PIK3C2G: variants seen among roughly 807,000 people sequenced by gnomAD.
PIK3C2G encodes the protein phosphatidylinositol-4-phosphate 3-kinase catalytic subunit type 2 gamma, also known as phosphatidylinositol 3-kinase C2 domain-containing subunit gamma.
In PIK3C2G, 168 loss-of-function variants were observed where a neutral mutation model predicts 181.1. That is an observed-to-expected ratio of 0.93 (90% CI 0.82 to 1.05). The LOEUF is 1.05. Ranked by LOEUF, PIK3C2G falls within the 50% of genes least tolerant of loss-of-function variation. The pLI is 0.00. For missense variants in PIK3C2G, 1,869 were observed against 1,732.8 expected (o/e 1.08, Z -1.40); for synonymous variants, 573 against 592.2 (o/e 0.97, Z 0.47).
intron 16 of PIK3C2G, among the ~76,000 whole-genome samples, chr12:18,404,704 A>G (rs1944424682): frequency 2.6e-5 from 4 of 152,134 alleles, no homozygotes; most frequent in Non-Finnish European, 4.4e-5. Flanking sequence ...TGTATCAGGA[A>G]ACAAAGTTGA....
Position 18,286,808 on chromosome 12 carries a change from T to A in PIK3C2G, c.679-39T>A, listed in dbSNP as rs369395694. ...TTGTAGAATTATTTAATAGTTTCTC[T>A]TCTCCAAATTATATTAATTTAGTAG... On this transcript the variant is annotated intron_variant, in intron 2 of 32. Coordinates refer to ENST00000538779, the MANE Select transcript of PIK3C2G (RefSeq NM_001288772.2). 2.0e-4 allele frequency: 205 copies of A among 1,050,868 alleles called. No homozygotes were observed. The African/African-American group carries it at 3.2e-3, about 16-fold the overall frequency. 65.1% of individuals were successfully genotyped at this position (1,050,868 alleles called of 1,614,324 possible). A position where few individuals can be genotyped will look rare whatever the true frequency, so the allele number is the denominator to read the frequency against.
At chr12:18,630,382 A>AT (rs1427471186) in intron 31 of PIK3C2G, among the ~76,000 whole-genome samples, 3 of 152,126 alleles carry the variant, frequency 2.0e-5, no homozygotes, top group Non-Finnish European at 4.4e-5. Flanking sequence ...ACAGAGCGGG[A>AT]TTTTTTCTCA....
the PIK3C2G span, chr12:18,723,582 A>G: frequency 2.1e-6 from 3 of 1,428,230 alleles, no homozygotes; most frequent in Admixed American, 1.7e-5. Context: ...TTGTGAGTAT[A>G]AAAAATACAT....
chr12:18,594,677 A>G, intron 30 of PIK3C2G, 108 bp downstream of exon 30: 1 of 552,762 alleles, frequency 1.8e-6, no homozygotes, highest in Non-Finnish European at 3.1e-6. Context: ...TCTTTTTAAG[A>G]GTAAGACTTT....
chr12:18,612,087 A>G (rs958291058), intron 31 of PIK3C2G, among the ~76,000 whole-genome samples: 6 of 151,844 alleles, frequency 4.0e-5, no homozygotes, highest in African/African-American at 1.5e-4. Flanking sequence ...TGGCCTCTTA[A>G]CCTCATCTCC....
At chr12:18,643,951 A>G (rs905321974) in intron 32 of PIK3C2G, among the ~76,000 whole-genome samples, 2 of 152,136 alleles carry the variant, frequency 1.3e-5, no homozygotes, top group Non-Finnish European at 2.9e-5. Flanking sequence ...GAGGAGTACA[A>G]AGAAGATATT....
intron 16 of PIK3C2G, among the ~76,000 whole-genome samples, chr12:18,418,483 G>A (rs1945300628): frequency 6.6e-6 from 1 of 152,116 alleles, no homozygotes; most frequent in African/African-American, 2.4e-5. Flanking sequence ...TTAGATTGCA[G>A]TGTGTACTAA....
the PIK3C2G span, among the ~76,000 whole-genome samples, chr12:18,655,519 A>G: frequency 2.0e-5 from 3 of 152,190 alleles, no homozygotes; most frequent in Non-Finnish European, 4.4e-5. Flanking sequence ...TTCCTTACAT[A>G]TGAGCTATGC....
chr12:18,301,500 C>G (rs7977126), intron 5 of PIK3C2G, among the ~76,000 whole-genome samples: 55,862 of 151,744 alleles, frequency 0.37, 10,432 homozygotes, highest in Non-Finnish European at 0.41. Flanking sequence ...ATTGTTAAAG[C>G]TCTTTGTTAT....
At chr12:18,711,949 TTTA>T in the PIK3C2G span, among the ~76,000 whole-genome samples, 1 of 152,146 alleles carries the variant, frequency 6.6e-6, no homozygotes, top group Non-Finnish European at 1.5e-5. Context: ...CTTTGAAATA[TTTA>T]TTTTGTACTC....
chr12:18,371,531 T>C (rs1942065671), intron 13 of PIK3C2G, among the ~76,000 whole-genome samples: 1 of 152,194 alleles, frequency 6.6e-6, no homozygotes, highest in Non-Finnish European at 1.5e-5. Flanking sequence ...AGCTGGATCA[T>C]TTATAATGAA....
At chr12:18,661,911 A>G in the PIK3C2G span, among the ~76,000 whole-genome samples, 2,044 of 152,266 alleles carry the variant, frequency 0.013, 53 homozygotes, top group African/African-American at 0.048. Context: ...TGAAGTACAC[A>G]TACACCATGA....
intron 24 of PIK3C2G, among the ~76,000 whole-genome samples, chr12:18,513,845 C>T (rs927917510): frequency 2.6e-5 from 4 of 151,524 alleles, no homozygotes; most frequent in Non-Finnish European, 4.4e-5. Context: ...GTGCTTATTT[C>T]GTTAATTTCT....
At chr12:18,441,017 C>T (rs559069955) in intron 18 of PIK3C2G, among the ~76,000 whole-genome samples, 25 of 152,076 alleles carry the variant, frequency 1.6e-4, no homozygotes, top group Middle Eastern at 3.4e-3. Context: ...TTAGTGGTAA[C>T]GCCAACATTT....
chr12:18,292,006 C>T (rs901213290), intron 4 of PIK3C2G, among the ~76,000 whole-genome samples: 41 of 150,538 alleles, frequency 2.7e-4, no homozygotes, highest in African/African-American at 8.8e-4. Context: ...GTGGGGAGTT[C>T]GAGATCAGCC....
chr12:18,689,807 C>T, the PIK3C2G span, among the ~76,000 whole-genome samples: 1 of 152,244 alleles, frequency 6.6e-6, no homozygotes, highest in Admixed American at 6.5e-5. Context: ...TGTCAAATGC[C>T]TTCATCAAGA....
At chr12:18,722,031 C>G in the PIK3C2G span, among the ~76,000 whole-genome samples, 1 of 152,000 alleles carries the variant, frequency 6.6e-6, no homozygotes, top group East Asian at 1.9e-4. Flanking sequence ...TCCTCCTGTT[C>G]CTTCAGTTAT....
At chr12:18,346,617 T>C (rs1329813944) in intron 10 of PIK3C2G, 24 bp from the exon 11 acceptor site, 9 of 1,476,862 alleles carry the variant, frequency 6.1e-6, no homozygotes, top group Non-Finnish European at 7.5e-6. Context: ...CTTAGTGACT[T>C]GATCTCTATC....
At chr12:18,591,492 G>A (rs912737661) in intron 29 of PIK3C2G, among the ~76,000 whole-genome samples, 2 of 151,844 alleles carry the variant, frequency 1.3e-5, no homozygotes, top group African/African-American at 4.8e-5. Flanking sequence ...GGGCAAATGG[G>A]TGGATAGGGG....
Sources: allele counts gnomAD v4.1 joint callset (sites outside exome capture counted in the v4.1 genomes callset), GRCh38; gene constraint gnomAD v4.1.1; transcripts MANE v1.5; gene names NCBI Gene and HGNC (gene_info 2026-07-23, HGNC 2026-07-21).